The following MED12L variants were observed in gnomAD, a reference collection of about 807,000 sequenced individuals.
The protein encoded by MED12L is mediator complex subunit 12L.
A neutral mutation model predicts 281.3 loss-of-function variants in MED12L; 60 were observed. The ratio of observed to expected loss-of-function variants is 0.21; its 90% confidence interval spans 0.17 to 0.26. The LOEUF (loss-of-function observed/expected upper bound fraction) is 0.26, where lower values mean the gene tolerates loss of function less well. Among genes scored for constraint, MED12L ranks in the 10% least tolerant of loss-of-function variants. MED12L has a pLI of 1.00. For missense variants in MED12L, 2,146 were observed against 2,680.9 expected (o/e 0.80, Z 4.41); for synonymous variants, 974 against 987.2 (o/e 0.99, Z 0.25).
At chr3:151,395,782 C>T (rs1051159757) in intron 39 of MED12L, among the ~76,000 whole-genome samples, 5 of 152,196 alleles carry the variant, frequency 3.3e-5, no homozygotes, top group Non-Finnish European at 7.4e-5. Context: ...ACAGGTACAT[C>T]CTGCTCTAAG....
At position 151,243,808 on chromosome 3, in the gene MED12L, C is replaced by T. The variant is rs1284491704; in HGVS notation, c.2250+50142C>T. Among the ~76,000 whole-genome samples, 40 of 149,968 alleles carry T rather than the reference C, an allele frequency of 2.7e-4. No homozygotes were observed. In the Middle Eastern group the frequency reaches 0.017, roughly 64 times the overall value. ...AAATGGACTAAATGCTCCAATTAAA[C>T]GACACAGACTGGCAAATTGGATAAA... is the stretch of plus-strand genomic sequence containing the variant. On this transcript the variant is annotated intron_variant, in intron 16 of 44. Transcript: ENST00000687756.
chr3:151,108,489 G>C (rs1711496613), intron 2 of MED12L, among the ~76,000 whole-genome samples: 1 of 152,140 alleles, frequency 6.6e-6, no homozygotes, highest in African/African-American at 2.4e-5. Flanking sequence ...ACATCCTTGG[G>C]GGTCTGAGAG....
At chr3:151,325,517 G>C (rs1044252516) in intron 16 of MED12L, among the ~76,000 whole-genome samples, 7 of 151,782 alleles carry the variant, frequency 4.6e-5, no homozygotes, top group African/African-American at 1.7e-4. Flanking sequence ...TGCTAGTTTA[G>C]GAAGTTCTTC....
At chr3:151,232,858 A>T (rs931128680) in intron 16 of MED12L, among the ~76,000 whole-genome samples, 6 of 152,226 alleles carry the variant, frequency 3.9e-5, no homozygotes, top group African/African-American at 1.4e-4. Flanking sequence ...TGACAAAAAA[A>T]TCTGCAACAA....
At chr3:151,310,216 A>G (rs950233925) in intron 16 of MED12L, among the ~76,000 whole-genome samples, 3 of 152,224 alleles carry the variant, frequency 2.0e-5, no homozygotes, top group Non-Finnish European at 4.4e-5. Flanking sequence ...GACAGCTAGT[A>G]TGTCTAACAC....
chr3:151,163,138 T>C (rs141444154), intron 8 of MED12L, among the ~76,000 whole-genome samples: 1 of 152,136 alleles, frequency 6.6e-6, no homozygotes. Flanking sequence ...TAGTCCTCTT[T>C]GGTAAAGGTG....
At chr3:151,097,450 G>T (rs1720863930) in intron 2 of MED12L, among the ~76,000 whole-genome samples, 1 of 152,196 alleles carries the variant, frequency 6.6e-6, no homozygotes, top group African/African-American at 2.4e-5. Flanking sequence ...ATGAGGACAG[G>T]ACCACAGACT....
intron 11 of MED12L, among the ~76,000 whole-genome samples, chr3:151,175,178 A>G (rs1721893526): frequency 6.6e-6 from 1 of 152,180 alleles, no homozygotes; most frequent in Admixed American, 6.5e-5. Flanking sequence ...CTTGCAGTTC[A>G]TCCAGCTCCT....
At chr3:151,095,801 G>A (rs555286299) in intron 2 of MED12L, among the ~76,000 whole-genome samples, 1 of 152,164 alleles carries the variant, frequency 6.6e-6, no homozygotes, top group African/African-American at 2.4e-5. Context: ...AGCTACTCTG[G>A]GGACTGAGGT....
At chr3:151,198,883 A>C (rs537780482) in intron 16 of MED12L, 1 of 1,614,124 alleles carries the variant, frequency 6.2e-7, no homozygotes, top group East Asian at 2.2e-5. Context: ...ATTCCTTTTT[A>C]AACTCCATAC....
At chr3:151,226,413 T>A (rs1319000916) in intron 16 of MED12L, among the ~76,000 whole-genome samples, 2 of 152,196 alleles carry the variant, frequency 1.3e-5, no homozygotes, top group African/African-American at 4.8e-5. Flanking sequence ...AGGACAGTGA[T>A]GCTTAAAATG....
At chr3:151,295,982 A>G (rs1176474663) in intron 16 of MED12L, among the ~76,000 whole-genome samples, 6 of 152,222 alleles carry the variant, frequency 3.9e-5, no homozygotes, top group Non-Finnish European at 7.3e-5. Flanking sequence ...GTCATCTAGT[A>G]AATTCTTCAT....
At chr3:151,144,217 C>T (rs1340276825) in intron 5 of MED12L, among the ~76,000 whole-genome samples, 1 of 152,058 alleles carries the variant, frequency 6.6e-6, no homozygotes, top group Non-Finnish European at 1.5e-5. Context: ...TGCCGCATGC[C>T]TTAGCTTGAG....
rs76745689 is a variant in MED12L at position 151,283,290 on chromosome 3, G to T, written c.2251-66769G>T. Among the ~76,000 whole-genome samples, 1,438 of 152,310 alleles carry T rather than the reference G, an allele frequency of 9.4e-3. 18 individuals are homozygous for T. Among genetic ancestry groups the T allele is most frequent in the African/African-American group, 0.032 (1,351 of 41,574 alleles). On this transcript the variant is annotated intron_variant, in intron 16 of 44. Transcript: ENST00000687756. ...AGTGTGCAAACAGATTTTCTGTATT[G>T]CTAGCATTAGATTGGGTTTAAATCT...
intron 5 of MED12L, among the ~76,000 whole-genome samples, chr3:151,128,783 A>G (rs1714923842): frequency 6.6e-6 from 1 of 152,166 alleles, no homozygotes; most frequent in African/African-American, 2.4e-5. Context: ...CCATCTCAAT[A>G]TCTGAAATTA....
chr3:151,227,847 T>C lies in MED12L; in HGVS notation c.2250+34181T>C, dbSNP rs1410099291. ...ACTGTTTTTTTCGGTTTCAGTTCTT[T>C]GTGGGTAGGCTGTCTTGTGTATTGT... On this transcript the variant is annotated intron_variant, in intron 16 of 44. Coordinates refer to ENST00000687756, the MANE Select transcript of MED12L (RefSeq NM_001393769.1). 5.3e-5 allele frequency among the ~76,000 whole-genome samples: 8 copies of C among 152,218 alleles called. No homozygotes were observed. In the East Asian group the frequency reaches 1.5e-3, roughly 29 times the overall value.
At chr3:151,394,957 G>T in intron 39 of MED12L, 90 bp downstream of exon 39, 15 of 1,525,406 alleles carry the variant, frequency 9.8e-6, no homozygotes, top group Non-Finnish European at 1.3e-5. Flanking sequence ...TATTCTTTCT[G>T]TATGCATATC....
intron 43 of MED12L, among the ~76,000 whole-genome samples, chr3:151,428,321 T>A (rs1719091489): frequency 6.6e-6 from 1 of 152,250 alleles, no homozygotes; most frequent in South Asian, 2.1e-4. Context: ...TAGAAAAGAA[T>A]ACTAACATTT....
intron 16 of MED12L, chr3:151,199,315 A>G (rs746750520): frequency 9.9e-6 from 16 of 1,613,662 alleles, no homozygotes; most frequent in African/African-American, 1.3e-5. Flanking sequence ...CAACAAGGAA[A>G]ACTAAATAAA....
Sources: gnomAD v4.1 joint callset for allele counts (sites outside exome capture counted in the v4.1 genomes callset) on GRCh38, gnomAD v4.1.1 for gene constraint, MANE v1.5 for transcripts, NCBI Gene and HGNC (gene_info 2026-07-23, HGNC 2026-07-21) for gene names.